The following PCDH10 variants were observed in gnomAD, a reference collection of about 807,000 sequenced individuals.
PCDH10 encodes protocadherin 10.
Under a neutral mutation model 74.4 loss-of-function variants are expected in PCDH10, and 15 were observed. The observed-to-expected ratio is 0.20, with a 90% CI of 0.13 to 0.31. PCDH10 has a LOEUF of 0.31. PCDH10 is among the 10% of genes least tolerant of loss of function. PCDH10 has a pLI of 1.00. For missense variants in PCDH10, 1,260 were observed against 1,390.2 expected (o/e 0.91, Z 1.49); for synonymous variants, 619 against 589.8 (o/e 1.05, Z -0.72).
chr4:133,156,886 C>T (rs1010114200), intron 3 of PCDH10, among the ~76,000 whole-genome samples: 1 of 152,034 alleles, frequency 6.6e-6, no homozygotes, highest in Non-Finnish European at 1.5e-5. Context: ...GTGCATCTTC[C>T]CAGTAGCTAC....
rs947823975 is a variant in PCDH10 at position 133,152,693 on chromosome 4, C to A, written c.2553C>A (p.Asn851Lys). 1.9e-6 allele frequency: 3 copies of A among 1,614,098 alleles called. No homozygotes were observed. Among genetic ancestry groups the A allele is most frequent in the Admixed American group, 3.3e-5 (2 of 60,004 alleles). Reference protein sequence around the residue: ...SPSRSTDTEHNPCGAIVTGYT... With the variant: ...SPSRSTDTEHKPCGAIVTGYT... ...CGCGGAGTACGGACACTGAGCACAA[C>A]CCCTGCGGGGCCATCGTCACCGGTT... Residue 851 changes from asparagine to lysine, a missense_variant, in exon 1 of 5, where the codon AAC (asparagine) becomes AAA (lysine). Physicochemically the swap from Asn to Lys is moderately conservative, Grantham distance 94. Transcript: ENST00000264360.
chr4:133,171,247 AT>A (rs1727198965), intron 4 of PCDH10, among the ~76,000 whole-genome samples: 1 of 152,082 alleles, frequency 6.6e-6, no homozygotes, highest in African/African-American at 2.4e-5. Context: ...ATTAGCTTTA[AT>A]TTATCACCAA....
At chr4:133,194,787 A>G (rs1727757913), downstream of PCDH10, 1 of 151,986 alleles carries the variant, frequency 6.6e-6, no homozygotes, top group South Asian at 2.1e-4. Context: ...GAAGCAGCAT[A>G]TGCTAGGTTT....
downstream of PCDH10, among the ~76,000 whole-genome samples, chr4:133,197,969 TTGTGTG>T (rs70957500): frequency 0.016 from 2,258 of 144,992 alleles, 32 homozygotes; most frequent in South Asian, 0.04. Context: ...TCTCTCAAAA[TTGTGTG>T]TGTGTGTGTG....
rs370356387 is a variant in PCDH10, at chr4:133,171,914, T to C, written c.3103+8632T>C. Among the ~76,000 whole-genome samples the C allele has an allele frequency of 2.0e-5, 3 of 152,136 alleles. No homozygotes were observed. In the East Asian group the frequency reaches 5.8e-4, roughly 29 times the overall value. On this transcript the variant is annotated intron_variant, in intron 4 of 4. Coordinates refer to ENST00000264360, the MANE Select transcript of PCDH10 (RefSeq NM_032961.3). ...GATGATTACATTAGAGGCCATAAAATAGCTTTATCCTGATTCTTTACTTAC... is the reference window on the plus strand; with the variant it reads ...GATGATTACATTAGAGGCCATAAAACAGCTTTATCCTGATTCTTTACTTAC...
intron 4 of PCDH10, among the ~76,000 whole-genome samples, chr4:133,168,406 T>C (rs1192593352): frequency 6.6e-6 from 1 of 151,474 alleles, no homozygotes; most frequent in Non-Finnish European, 1.5e-5. Context: ...AAATTTCTAT[T>C]CCCCCAGTTA....
Position 133,163,053 on chromosome 4 carries a change from T to C in PCDH10, c.2874T>C (p.Phe958=). ...GHSDRCWMPS[F]VPSDGRQAAD... is the part of the protein sequence containing the mutation. Reference sequence around the variant, plus strand: ...CAGATCGGTGCTGGATGCCTTCTTTTGTCCCTTCTGATGGACGCCAGGCTG... The same window carrying C: ...CAGATCGGTGCTGGATGCCTTCTTTCGTCCCTTCTGATGGACGCCAGGCTG... Residue 958 remains phenylalanine, a synonymous_variant, in exon 4 of 5, where the codon TTT becomes TTC. Transcript: ENST00000264360. The C allele has an allele frequency of 1.2e-6, 2 of 1,614,178 alleles. No homozygotes were observed. The highest frequency in any genetic ancestry group is 1.7e-6 in the Non-Finnish European group (2 of 1,180,006).
At position 133,152,582 on chromosome 4, in the gene PCDH10, C is replaced by T. The variant is rs1726750695; in HGVS notation, c.2442C>T (p.His814=). ...IEESGGFGSH[H]HNQNYCYQVC... ...AGTCCGGGGGCTTTGGCTCCCACCA[C>T]CACAACCAGAATTACTGCTATCAGG... The change falls in exon 1 of 5, where the codon CAC becomes CAT. Residue 814 remains histidine, a synonymous_variant. Coordinates refer to ENST00000264360, the MANE Select transcript of PCDH10 (RefSeq NM_032961.3). 1.2e-6 allele frequency: 2 copies of T among 1,614,142 alleles called. No individual in the cohort carries two copies. Among genetic ancestry groups the T allele is most frequent in the Admixed American group, 1.7e-5 (1 of 60,020 alleles).
chr4:133,168,089 TTAAC>T (rs1404486409), intron 4 of PCDH10, among the ~76,000 whole-genome samples: 1 of 151,518 alleles, frequency 6.6e-6, no homozygotes, highest in Non-Finnish European at 1.5e-5. Context: ...ATTCCTCCAG[TTAAC>T]TAACTGATGC....
intron 4 of PCDH10, among the ~76,000 whole-genome samples, chr4:133,169,588 G>A (rs1007406384): frequency 3.3e-5 from 5 of 151,444 alleles, no homozygotes; most frequent in Non-Finnish European, 5.9e-5. Flanking sequence ...GTAAGCATTT[G>A]TCCATCATAT....
At position 133,154,668 on chromosome 4, in the gene PCDH10, A is replaced by C. The variant is rs138732249; in HGVS notation, c.2691-249A>C. On this transcript the variant is annotated intron_variant, in intron 2 of 4. Coordinates refer to ENST00000264360, the MANE Select transcript of PCDH10 (RefSeq NM_032961.3). ...TATATCTATTTTATGAAAATGATAT[A>C]AACATGTATTTAGCTCCAATTATAG... is the stretch of plus-strand genomic sequence containing the variant. Among the ~76,000 whole-genome samples, 832 of 152,328 alleles carry C rather than the reference A, an allele frequency of 5.5e-3. 8 individuals carry two copies. Among genetic ancestry groups the C allele is most frequent in the African/African-American group, 0.019 (794 of 41,578 alleles).
At chr4:133,201,797 A>C (rs1322242911) in intron 2 of PCDH10, among the ~76,000 whole-genome samples, 1 of 138,996 alleles carries the variant, frequency 7.2e-6, no homozygotes, top group Non-Finnish European at 1.5e-5. Context: ...CGGAGGTTGC[A>C]GTGAGCTGAG....
chr4:133,198,745 A>G (rs1331928422), downstream of PCDH10, among the ~76,000 whole-genome samples: 1 of 152,214 alleles, frequency 6.6e-6, no homozygotes, highest in African/African-American at 2.4e-5. Flanking sequence ...TAAGGCTACA[A>G]CACTGTGGTT....
chr4:133,199,209 G>C (rs1256165540), downstream of PCDH10, among the ~76,000 whole-genome samples: 1 of 151,368 alleles, frequency 6.6e-6, no homozygotes, highest in Admixed American at 6.6e-5. Context: ...GATCACTTGA[G>C]CTGGAGAGGT....
intron 3 of PCDH10, among the ~76,000 whole-genome samples, chr4:133,160,321 G>A (rs1373027916): frequency 6.6e-6 from 1 of 151,556 alleles, no homozygotes; most frequent in African/African-American, 2.4e-5. Context: ...TTAATTCATA[G>A]ATTTATTAAG....
chr4:133,177,828 T>G (rs1229226392), intron 4 of PCDH10, among the ~76,000 whole-genome samples: 1 of 152,254 alleles, frequency 6.6e-6, no homozygotes, highest in Middle Eastern at 3.4e-3. Context: ...CTCATCGCAT[T>G]AACAGAGGAA....
intron 1 of PCDH10, 116 bp downstream of exon 1, chr4:133,152,887 G>A: frequency 6.7e-7 from 1 of 1,488,368 alleles, no homozygotes; most frequent in South Asian, 1.4e-5. Flanking sequence ...TAGCTTATGT[G>A]TATCGTTGTG....
chr4:133,162,862 A>G (rs1026780546), intron 3 of PCDH10, 115 bp from the exon 4 acceptor site: 23 of 829,312 alleles, frequency 2.8e-5, no homozygotes, highest in Non-Finnish European at 4.1e-5. Flanking sequence ...AGCCAGGAAA[A>G]ATTTGTTAAG....
chr4:133,162,774 T>C (rs545307913), intron 3 of PCDH10, among the ~76,000 whole-genome samples: 33 of 152,366 alleles, frequency 2.2e-4, no homozygotes, highest in Non-Finnish European at 4.3e-4. Context: ...TCTTATCTTT[T>C]ACATTTGCAG....
Sources: allele counts gnomAD v4.1 joint callset (sites outside exome capture counted in the v4.1 genomes callset), GRCh38; gene constraint gnomAD v4.1.1; transcripts MANE v1.5; gene names NCBI Gene and HGNC (gene_info 2026-07-23, HGNC 2026-07-21).